Variants in TMEM236 observed in about 807,000 individuals in gnomAD.
TMEM236 encodes the protein family with sequence similarity 23, member A.
A neutral mutation model predicts 14.7 loss-of-function variants in TMEM236; 11 were observed. The observed-to-expected ratio is 0.75, with a 90% CI of 0.47 to 1.24. The LOEUF is 1.24. Ranked by LOEUF, TMEM236 falls within the 50% of genes most tolerant of loss-of-function variation. The pLI is 0.00. For missense variants in TMEM236, 464 were observed against 427.3 expected, an observed-to-expected ratio of 1.09 and a Z score of -0.76; for synonymous variants, 182 against 168.6, an observed-to-expected ratio of 1.08 and a Z score of -0.62.
chr10:17,781,460 C>T (rs1049791752), intron 3 of TMEM236, among the ~76,000 whole-genome samples: 9 of 151,572 alleles, frequency 5.9e-5, no homozygotes, highest in South Asian at 2.1e-4. Flanking sequence ...GCATGCAGCC[C>T]GGCGTGGTGG....
intron 3 of TMEM236, among the ~76,000 whole-genome samples, chr10:17,782,641 G>A (rs1837772098): frequency 6.6e-6 from 1 of 151,946 alleles, no homozygotes; most frequent in African/African-American, 2.4e-5. Context: ...TAGTAGAGAC[G>A]GGATTTCACC....
intron 3 of TMEM236, among the ~76,000 whole-genome samples, chr10:17,791,030 CACAG>C (rs1458908543): frequency 5.2e-4 from 79 of 152,324 alleles, no homozygotes; most frequent in Admixed American, 1.4e-3. Flanking sequence ...CTGTCTCTGC[CACAG>C]ACAGTGTGGT....
intron 3 of TMEM236, among the ~76,000 whole-genome samples, chr10:17,784,788 A>C (rs1837806978): frequency 6.6e-6 from 1 of 152,156 alleles, no homozygotes; most frequent in African/African-American, 2.4e-5. Context: ...TGCTGAGAAC[A>C]ATGGAGATGG....
At chr10:17,792,911 A>G (rs1003032262) in intron 3 of TMEM236, among the ~76,000 whole-genome samples, 3 of 152,224 alleles carry the variant, frequency 2.0e-5, no homozygotes, top group Admixed American at 1.3e-4. Flanking sequence ...CCCTGGAGCT[A>G]AAGGGAATAG....
chr10:17,763,927 AG>A (rs1482484964), intron 1 of TMEM236, among the ~76,000 whole-genome samples: 26 of 151,852 alleles, frequency 1.7e-4, no homozygotes, highest in Admixed American at 3.3e-4. Flanking sequence ...CTGTAAAAAA[AG>A]GGTTGATACC....
intron 3 of TMEM236, 61 bp downstream of exon 3, chr10:17,776,231 C>T: frequency 6.7e-7 from 1 of 1,488,760 alleles, no homozygotes; most frequent in Non-Finnish European, 9.4e-7. Context: ...ACATTTCTGC[C>T]ACTGTGTTAT....
intron 1 of TMEM236, among the ~76,000 whole-genome samples, chr10:17,758,379 G>C (rs1043705714): frequency 6.6e-6 from 1 of 152,204 alleles, no homozygotes; most frequent in Non-Finnish European, 1.5e-5. Flanking sequence ...CTTCAGGAGA[G>C]AGTGAGTCAT....
At chr10:17,770,866 G>C (rs1438939580) in intron 1 of TMEM236, among the ~76,000 whole-genome samples, 1 of 152,038 alleles carries the variant, frequency 6.6e-6, no homozygotes, top group Non-Finnish European at 1.5e-5. Context: ...GTTTTTAAGT[G>C]ATCTTTAAAT....
chr10:17,796,653 A>AT lies in TMEM236; in HGVS notation c.*149_*150insT. 1.1e-5 allele frequency: 7 copies of AT among 639,356 alleles called. No homozygotes were observed. The highest frequency in any genetic ancestry group is 2.8e-5 in the East Asian group (1 of 35,786). The allele number at this position is 639,356 out of a possible 1,614,324, so 39.6% of individuals were successfully genotyped here. On this transcript the variant is annotated 3_prime_UTR_variant, in exon 4 of 4. Transcript: ENST00000377495. ...CCATTTTTACTAACTCTAGCATATC[A>AT]GTTTTTTTTTTTACATATACAAATG...
intron 3 of TMEM236, among the ~76,000 whole-genome samples, chr10:17,792,378 G>T (rs1055297070): frequency 7.4e-4 from 113 of 152,268 alleles, no homozygotes; most frequent in Non-Finnish European, 1.4e-3. Context: ...GTAAGCCACC[G>T]TACCTGCCTC....
chr10:17,780,562 T>C (rs1316421907), intron 3 of TMEM236, among the ~76,000 whole-genome samples: 2 of 152,092 alleles, frequency 1.3e-5, no homozygotes, highest in African/African-American at 4.8e-5. Flanking sequence ...GATCTTGGGT[T>C]TGCAGGAGTT....
chr10:17,760,057 C>G (rs1374023084), intron 1 of TMEM236, among the ~76,000 whole-genome samples: 1 of 151,054 alleles, frequency 6.6e-6, no homozygotes, highest in African/African-American at 2.4e-5. Flanking sequence ...CCGCGCTGGC[C>G]CTGACAACTG....
rs1010551025 is a variant in TMEM236, at chr10:17,752,258, G to C, written c.-38G>C. On this transcript the variant is annotated 5_prime_UTR_variant, in exon 1 of 4. Coordinates refer to ENST00000377495, the MANE Select transcript of TMEM236 (RefSeq NM_001098844.3). The stretch of plus-strand genomic sequence containing the variant: ...TCCATATGCTGCCCACAGTCAAAGA[G>C]GGAGTCCCAGGTTCTTGGCAGCTTG... 2.4e-4 allele frequency: 381 copies of C among 1,613,784 alleles called. 2 individuals are homozygous for C. Among genetic ancestry groups the C allele is most frequent in the Non-Finnish European group, 2.9e-4 (348 of 1,179,836 alleles).
At chr10:17,758,136 T>C (rs1837309103) in intron 1 of TMEM236, among the ~76,000 whole-genome samples, 1 of 152,142 alleles carries the variant, frequency 6.6e-6, no homozygotes, top group South Asian at 2.1e-4. Flanking sequence ...TCTTATAATA[T>C]ATGGGGTAAT....
At chr10:17,769,889 G>A (rs1837539731) in intron 1 of TMEM236, among the ~76,000 whole-genome samples, 1 of 152,112 alleles carries the variant, frequency 6.6e-6, no homozygotes, top group African/African-American at 2.4e-5. Flanking sequence ...CGTTACACTG[G>A]TATGTTGCAT....
rs1007708529 is a variant in TMEM236 at position 17,788,816 on chromosome 10, C to T, written c.473-7105C>T. The stretch of plus-strand genomic sequence containing the variant: ...TCATGCTTTCTGTAAAGAAAGTTGC[C>T]GCAACTATTTCACAGCTGGGAATGC... On this transcript the variant is annotated intron_variant, in intron 3 of 3. Coordinates refer to ENST00000377495, the MANE Select transcript of TMEM236 (RefSeq NM_001098844.3). Among the ~76,000 whole-genome samples the T allele has an allele frequency of 1.8e-4, 27 of 152,072 alleles. 1 individual carries two copies. Among genetic ancestry groups the T allele is most frequent in the South Asian group, 4.1e-4 (2 of 4,826 alleles).
At chr10:17,754,924 T>TTTATTTA (rs1837261535) in intron 1 of TMEM236, among the ~76,000 whole-genome samples, 2 of 146,672 alleles carry the variant, frequency 1.4e-5, no homozygotes, top group East Asian at 4.0e-4. Context: ...CATACTGATG[T>TTTATTTA]TTTATTTATT....
At chr10:17,782,576 C>T (rs933570827) in intron 3 of TMEM236, among the ~76,000 whole-genome samples, 4 of 152,056 alleles carry the variant, frequency 2.6e-5, no homozygotes, top group Non-Finnish European at 4.4e-5. Context: ...CTCAGCCTCC[C>T]GAGTAGCTGG....
At chr10:17,787,495 G>A (rs1438809544) in intron 3 of TMEM236, among the ~76,000 whole-genome samples, 1 of 152,198 alleles carries the variant, frequency 6.6e-6, no homozygotes, top group African/African-American at 2.4e-5. Context: ...TTGACTCTAC[G>A]GGAACCAGAG....
Sources: gnomAD v4.1 joint callset for allele counts (sites outside exome capture counted in the v4.1 genomes callset) on GRCh38, gnomAD v4.1.1 for gene constraint, MANE v1.5 for transcripts, NCBI Gene and HGNC (gene_info 2026-07-23, HGNC 2026-07-21) for gene names.